Variants in RHOJ observed in about 807,000 individuals in gnomAD.
RHOJ encodes the protein rho-related GTP-binding protein RhoJ.
RHOJ carries 11 observed loss-of-function variants against 23.4 expected under a neutral mutation model. That is an observed-to-expected ratio of 0.47 (90% CI 0.30 to 0.78). RHOJ has a LOEUF of 0.78. RHOJ is among the 30% of genes least tolerant of loss of function. RHOJ has a pLI of 0.08. For synonymous variants in RHOJ, 102 were observed against 102.7 expected (o/e 0.99, Z 0.04); for missense variants, 254 against 273.4 (o/e 0.93, Z 0.50).
At chr14:63,263,332 T>G (rs528366631) in intron 1 of RHOJ, among the ~76,000 whole-genome samples, 2 of 152,276 alleles carry the variant, frequency 1.3e-5, no homozygotes, top group South Asian at 4.1e-4. Context: ...ATTTCCAAAT[T>G]AAGAAGCCTC....
chr14:63,291,764 A>T lies in RHOJ; in HGVS notation c.*740A>T, dbSNP rs1037154852. On this transcript the variant is annotated 3_prime_UTR_variant, in exon 5 of 5. Coordinates refer to ENST00000316754, the MANE Select transcript of RHOJ (RefSeq NM_020663.5). ...TTGCAGGTCCACATTTTTGCCAAAG[A>T]TACACTCTATAGATGCTTAGTAGTG... 1 of 154,780 alleles carries T rather than the reference A, an allele frequency of 6.5e-6. No homozygotes were observed. The highest frequency in any genetic ancestry group is 1.4e-5 in the Non-Finnish European group (1 of 69,372). 9.6% of individuals were successfully genotyped at this position (154,780 alleles called of 1,614,324 possible).
chr14:63,216,356 G>A (rs1354706523), intron 1 of RHOJ, among the ~76,000 whole-genome samples: 1 of 152,168 alleles, frequency 6.6e-6, no homozygotes, highest in Non-Finnish European at 1.5e-5. Flanking sequence ...TCAGCAAGTA[G>A]TCTCCTTAAT....
At chr14:63,282,249 G>T (rs1881929618) in intron 3 of RHOJ, among the ~76,000 whole-genome samples, 1 of 143,744 alleles carries the variant, frequency 7.0e-6, no homozygotes. Flanking sequence ...TTAGAGATAG[G>T]CACAAAATTG....
At chr14:63,280,779 C>T (rs772284223) in intron 2 of RHOJ, among the ~76,000 whole-genome samples, 192 bp from the exon 3 acceptor site, 10 of 152,122 alleles carry the variant, frequency 6.6e-5, no homozygotes, top group Admixed American at 3.3e-4. Context: ...AATCTCTGTA[C>T]GTAACAAAAA....
In RHOJ at chr14:63,218,032, G is replaced by A. The variant is rs554913846; in HGVS notation, c.178+12985G>A. ...TTAATTTAGATCAAACTAATTAAAT[G>A]TAGACAACTGAAGTCACCAATATGA... is the stretch of plus-strand genomic sequence containing the variant. On this transcript the variant is annotated intron_variant, in intron 1 of 4. Transcript: ENST00000316754. Among the ~76,000 whole-genome samples, 235 of 152,010 alleles carry A rather than the reference G, an allele frequency of 1.5e-3. 1 individual carries two copies. Among genetic ancestry groups the A allele is most frequent in the African/African-American group, 5.5e-3 (228 of 41,444 alleles).
At chr14:63,206,014 TCTC>T in intron 1 of RHOJ, among the ~76,000 whole-genome samples, 1 of 152,326 alleles carries the variant, frequency 6.6e-6, no homozygotes, top group South Asian at 2.1e-4. Flanking sequence ...ATGGAAAATT[TCTC>T]CTCCTTCATT....
chr14:63,215,693 A>AGGG (rs944664718), intron 1 of RHOJ, among the ~76,000 whole-genome samples: 2 of 152,176 alleles, frequency 1.3e-5, no homozygotes, highest in African/African-American at 4.8e-5. Context: ...AGCTCCACAA[A>AGGG]GGGGGCCCAC....
chr14:63,254,722 A>G (rs1159066122), intron 1 of RHOJ, among the ~76,000 whole-genome samples: 1 of 152,120 alleles, frequency 6.6e-6, no homozygotes. Context: ...AAACATGTGC[A>G]ACTTCCCCAG....
At chr14:63,239,607 T>A (rs1204885548) in intron 1 of RHOJ, among the ~76,000 whole-genome samples, 1 of 152,224 alleles carries the variant, frequency 6.6e-6, no homozygotes, top group Non-Finnish European at 1.5e-5. Context: ...TTGCTGAAAG[T>A]TGCTTTGACT....
chr14:63,233,418 T>C (rs746276765), intron 1 of RHOJ, among the ~76,000 whole-genome samples: 5 of 152,176 alleles, frequency 3.3e-5, no homozygotes, highest in Non-Finnish European at 7.3e-5. Context: ...TTTAAATGGA[T>C]GAATTGTGTG....
At chr14:63,270,384 A>G (rs373970426) in intron 2 of RHOJ, among the ~76,000 whole-genome samples, 5 of 152,266 alleles carry the variant, frequency 3.3e-5, no homozygotes, top group African/African-American at 1.2e-4. Flanking sequence ...CAAAGCTTCT[A>G]AGAGCATCCG....
rs533071600 is a variant in RHOJ at position 63,292,353 on chromosome 14, A to C, written c.*1329A>C. ...TGGCCCTGGGAAAGCAAAAGCTCCCAGTAAGGAATCCTGTGCCCAATGATG... is the reference window on the plus strand; with the variant it reads ...TGGCCCTGGGAAAGCAAAAGCTCCCCGTAAGGAATCCTGTGCCCAATGATG... On this transcript the variant is annotated 3_prime_UTR_variant, in exon 5 of 5. Coordinates refer to ENST00000316754, the MANE Select transcript of RHOJ (RefSeq NM_020663.5). The C allele has an allele frequency of 6.6e-6, 1 of 152,232 alleles. No homozygotes were observed. The highest frequency in any genetic ancestry group is 1.5e-5 in the Non-Finnish European group (1 of 68,036). 9.4% of individuals were successfully genotyped at this position (152,232 alleles called of 1,614,324 possible).
intron 1 of RHOJ, among the ~76,000 whole-genome samples, chr14:63,207,035 C>CTTTTT (rs200555463): frequency 5.0e-5 from 7 of 141,074 alleles, no homozygotes; most frequent in Non-Finnish European, 6.2e-5. Context: ...CTTTTCTTTT[C>CTTTTT]TTTTTTTTTT....
At position 63,289,914 on chromosome 14, in the gene RHOJ, G is replaced by GT. The variant is rs529664976; in HGVS notation, c.499-954dup. ...TTGTTATTGTTACATGTTTTAGTGG[G>GT]TTTTTTTTTTAACTTTTTAAAAAAT... On this transcript the variant is annotated intron_variant, in intron 4 of 4. Transcript: ENST00000316754. Among the ~76,000 whole-genome samples the GT allele has an allele frequency of 7.9e-4, 117 of 148,478 alleles. 1 individual carries two copies. The highest frequency in any genetic ancestry group is 1.2e-3 in the Admixed American group (18 of 14,854).
At chr14:63,213,680 G>A (rs1240487742) in intron 1 of RHOJ, among the ~76,000 whole-genome samples, 1 of 152,118 alleles carries the variant, frequency 6.6e-6, no homozygotes, top group Non-Finnish European at 1.5e-5. Flanking sequence ...GTAGAATCCT[G>A]CTTTTGGTCA....
intron 1 of RHOJ, among the ~76,000 whole-genome samples, chr14:63,262,683 G>C (rs548080304): frequency 1.1e-4 from 17 of 152,344 alleles, no homozygotes; most frequent in African/African-American, 4.1e-4. Flanking sequence ...CTTGCCAGGA[G>C]CTTCAAGCTG....
chr14:63,211,140 C>T (rs1002937089), intron 1 of RHOJ, among the ~76,000 whole-genome samples: 9 of 152,096 alleles, frequency 5.9e-5, no homozygotes, highest in African/African-American at 2.2e-4. Context: ...GGTAGACAGT[C>T]ATAACCTTAA....
intron 1 of RHOJ, among the ~76,000 whole-genome samples, chr14:63,250,683 G>T (rs1361828550): frequency 6.6e-6 from 1 of 152,134 alleles, no homozygotes; most frequent in Non-Finnish European, 1.5e-5. Context: ...TTACTGCTCA[G>T]GGCTCAGTTT....
Position 63,277,173 on chromosome 14 carries a change from G to GTA in RHOJ, c.238-3797_238-3796dup. On this transcript the variant is annotated intron_variant, in intron 2 of 4. Transcript: ENST00000316754. ...CCCCATCCTGGTATTTATGAACTCT[G>GTA]TAACATTGGCCCATCATGGAACTTC... Among the ~76,000 whole-genome samples, 2 of 152,324 alleles carry GTA rather than the reference G, an allele frequency of 1.3e-5. 1 individual carries two copies. The highest frequency in any genetic ancestry group is 4.1e-4 in the South Asian group (2 of 4,820).
Sources: gnomAD v4.1 joint callset for allele counts (sites outside exome capture counted in the v4.1 genomes callset) on GRCh38, gnomAD v4.1.1 for gene constraint, MANE v1.5 for transcripts, NCBI Gene and HGNC (gene_info 2026-07-23, HGNC 2026-07-21) for gene names.